RPL24: variants seen among roughly 807,000 people sequenced by gnomAD.
RPL24 encodes large ribosomal subunit protein eL24.
In RPL24, 7 loss-of-function variants were observed where a neutral mutation model predicts 26.4. The observed-to-expected ratio is 0.27, with a 90% CI of 0.15 to 0.50. The LOEUF is 0.50. RPL24 is among the 20% of genes least tolerant of loss of function. The pLI, the probability that RPL24 is intolerant of heterozygous loss-of-function variation, is 0.98. For synonymous variants in RPL24, 67 were observed against 65.2 expected, an observed-to-expected ratio of 1.03 and a Z score of -0.13; for missense variants, 109 against 194.9, an observed-to-expected ratio of 0.56 and a Z score of 2.62.
chr3:101,685,974 A>G (rs187726310), intron 2 of RPL24, 46 bp from the exon 3 acceptor site: 3 of 1,224,866 alleles, frequency 2.4e-6, no homozygotes, highest in South Asian at 1.2e-5. Flanking sequence ...TATACAAAGT[A>G]CAAGAGGCTG....
At position 101,684,786 on chromosome 3, in the gene RPL24, A is replaced by C. The variant is rs1247631794; in HGVS notation, c.192+1032T>G. 8.5e-4 allele frequency among the ~76,000 whole-genome samples: 34 copies of C among 39,990 alleles called. 3 individuals are homozygous for C. The highest frequency in any genetic ancestry group is 1.7e-3 in the African/African-American group (26 of 15,736). The allele number at this position is 39,990 out of a possible 152,430, so 26.2% of individuals were successfully genotyped here. A position where few individuals can be genotyped will look rare whatever the true frequency, so the allele number is the denominator to read the frequency against. ...GAGGACCTGTCTCCCCAAAAAAAAAAAAAAAAAAAAAAAAAAAAAAAAAAA... is the reference window on the plus strand; with the variant it reads ...GAGGACCTGTCTCCCCAAAAAAAAACAAAAAAAAAAAAAAAAAAAAAAAAA... On this transcript the variant is annotated intron_variant, in intron 3 of 5. Transcript: ENST00000394077.
chr3:101,686,302 A>C (rs768402599), intron 2 of RPL24, 180 bp downstream of exon 2: 8 of 605,552 alleles, frequency 1.3e-5, no homozygotes, highest in African/African-American at 1.9e-5. Context: ...CTGGCTCACA[A>C]TAAATAATCA....
chr3:101,682,192 A>G, intron 5 of RPL24: 1 of 439,176 alleles, frequency 2.3e-6, no homozygotes. Flanking sequence ...TCTCTACTTA[A>G]ACAAACAAAC....
chr3:101,682,655 T>G, intron 4 of RPL24, 116 bp downstream of exon 4: 1 of 1,256,338 alleles, frequency 8.0e-7, no homozygotes, highest in Non-Finnish European at 1.1e-6. Flanking sequence ...ATAATTTTCA[T>G]TAACCACCAA....
At chr3:101,684,540 T>C (rs1937306243) in intron 3 of RPL24, among the ~76,000 whole-genome samples, 1 of 151,926 alleles carries the variant, frequency 6.6e-6, no homozygotes, top group African/African-American at 2.4e-5. Context: ...GTACTTTGGG[T>C]GGCCAAGGCA....
chr3:101,684,379 A>G (rs1169063707), intron 3 of RPL24, among the ~76,000 whole-genome samples: 2 of 151,090 alleles, frequency 1.3e-5, no homozygotes, highest in Non-Finnish European at 2.9e-5. Context: ...TCTGTGGGCC[A>G]GGCTGTTCTT....
intron 3 of RPL24, among the ~76,000 whole-genome samples, chr3:101,685,338 C>A (rs1937322360): frequency 6.6e-6 from 1 of 152,162 alleles, no homozygotes; most frequent in African/African-American, 2.4e-5. Context: ...TATTCCCAAG[C>A]CTCCTGAATA....
chr3:101,681,232 C>CAATATTA lies in RPL24; in HGVS notation c.394-24_394-18dup. The CAATATTA allele has an allele frequency of 4.4e-6, 7 of 1,579,388 alleles. No homozygotes were observed. The highest frequency in any genetic ancestry group is 6.1e-6 in the Non-Finnish European group (7 of 1,148,840). ...TGTAGGTGCCTGTAAAAAGATAACA[C>CAATATTA]AATATTACTCCACAAAACTTTTGTT... On this transcript the variant is annotated splice_polypyrimidine_tract_variant and intron_variant, in intron 5 of 5. Transcript: ENST00000394077.
chr3:101,683,278 G>A (rs1428724148), intron 3 of RPL24, among the ~76,000 whole-genome samples: 1 of 152,150 alleles, frequency 6.6e-6, no homozygotes, highest in Non-Finnish European at 1.5e-5. Context: ...AATAAATTAA[G>A]ACAATTATTT....
intron 4 of RPL24, 48 bp from the exon 5 acceptor site, chr3:101,682,540 G>C: frequency 6.9e-7 from 1 of 1,456,348 alleles, no homozygotes; most frequent in Non-Finnish European, 9.6e-7. Context: ...CTCCTTAGTG[G>C]TACAACTTAT....
chr3:101,685,770 T>A (rs377404399), intron 3 of RPL24, 48 bp downstream of exon 3: 2 of 1,086,466 alleles, frequency 1.8e-6, no homozygotes, highest in Non-Finnish European at 2.8e-6. Flanking sequence ...TCAGAGAGCT[T>A]TGACAACTTA....
Position 101,684,607 on chromosome 3 carries a change from T to C in RPL24, c.192+1211A>G, listed in dbSNP as rs540353986. On this transcript the variant is annotated intron_variant, in intron 3 of 5. Transcript: ENST00000394077. ...GAAATTGGGCAACATCGCAAAGATT[T>C]CTGTCTCCTCAAAATATATTTAAAA... Among the ~76,000 whole-genome samples the C allele has an allele frequency of 1.1e-4, 16 of 151,948 alleles. No homozygotes were observed. In the South Asian group the frequency reaches 2.7e-3, roughly 26 times the overall value.
At chr3:101,685,637 T>C (rs1473439149) in intron 3 of RPL24, among the ~76,000 whole-genome samples, 181 bp downstream of exon 3, 1 of 152,258 alleles carries the variant, frequency 6.6e-6, no homozygotes, top group Admixed American at 6.5e-5. Context: ...AACTCGGTAT[T>C]GCTACTAGCC....
At chr3:101,685,957 A>G (rs1237411090) in intron 2 of RPL24, 29 bp from the exon 3 acceptor site, 1 of 1,384,690 alleles carries the variant, frequency 7.2e-7, no homozygotes, top group Non-Finnish European at 1.0e-6. Flanking sequence ...AGGAATTACT[A>G]TTTAACTATA....
In RPL24 at chr3:101,682,906, T is replaced by C; in HGVS notation, c.194A>G (p.Glu65Gly). The C allele has an allele frequency of 6.2e-7, 1 of 1,613,182 alleles. No individual in the cohort carries two copies. The highest frequency in any genetic ancestry group is 8.5e-7 in the Non-Finnish European group (1 of 1,179,462). Reference protein sequence around the residue: ...YRRKHKKGQSEEIQKKRTRRA... With the variant: ...YRRKHKKGQSGEIQKKRTRRA... Reference sequence around the variant, plus strand: ...GCGGGTTCTTTTCTTTTGAATTTCTTCCTGCAAAACAAAGATGAGGGGCAC... The same window carrying C: ...GCGGGTTCTTTTCTTTTGAATTTCTCCCTGCAAAACAAAGATGAGGGGCAC... Residue 65 changes from glutamate to glycine, a missense_variant and splice_region_variant, in exon 4 of 6, where the codon GAA becomes GGA. Physicochemically the swap from Glu to Gly is moderately conservative, Grantham distance 98. Transcript: ENST00000394077.
At chr3:101,683,544 GA>G (rs963229210) in intron 3 of RPL24, among the ~76,000 whole-genome samples, 7 of 152,096 alleles carry the variant, frequency 4.6e-5, no homozygotes, top group Admixed American at 1.3e-4. Flanking sequence ...AAACTTTTTA[GA>G]AAGATGCAAT....
intron 3 of RPL24, among the ~76,000 whole-genome samples, chr3:101,683,528 A>C (rs961442738): frequency 3.9e-5 from 6 of 152,218 alleles, no homozygotes; most frequent in Non-Finnish European, 8.8e-5. Flanking sequence ...CAGACATGCT[A>C]ATTTTAAACT....
At position 101,686,575 on chromosome 3, in the gene RPL24, A is replaced by G. The variant is rs1559993879; in HGVS notation, c.6-18T>C. ...GCTCGACCCTGCAACAAAAAGTGAA[A>G]GTCCATCAGGGAGGGTGTCTACAGC... On this transcript the variant is annotated intron_variant, in intron 1 of 5. Coordinates refer to ENST00000394077, the MANE Select transcript of RPL24 (RefSeq NM_000986.4). 13 of 1,614,212 alleles carry G rather than the reference A, an allele frequency of 8.1e-6. No individual in the cohort carries two copies. Among genetic ancestry groups the G allele is most frequent in the East Asian group, 2.2e-5 (1 of 44,884 alleles).
chr3:101,682,528 T>C (rs1485925090), intron 4 of RPL24, 36 bp from the exon 5 acceptor site: 1 of 1,527,646 alleles, frequency 6.5e-7, no homozygotes, highest in Admixed American at 1.7e-5. Flanking sequence ...AAAAGCACTT[T>C]ACTCCTTAGT....
Sources: allele counts gnomAD v4.1 joint callset (sites outside exome capture counted in the v4.1 genomes callset), GRCh38; gene constraint gnomAD v4.1.1; transcripts MANE v1.5; gene names NCBI Gene and HGNC (gene_info 2026-07-23, HGNC 2026-07-21).